The following MINK1 variants were observed in gnomAD, a reference collection of about 807,000 sequenced individuals.
The protein encoded by MINK1 is misshapen-like kinase 1.
Under a neutral mutation model 178.4 loss-of-function variants are expected in MINK1, and 46 were observed. That is an observed-to-expected ratio of 0.26 (90% CI 0.20 to 0.33). MINK1 has a LOEUF of 0.33. Among genes scored for constraint, MINK1 ranks in the 10% least tolerant of loss-of-function variants. MINK1 has a pLI of 1.00. For synonymous variants in MINK1, 797 were observed against 709.7 expected (o/e 1.12, Z -1.96); for missense variants, 1,366 against 1,814.9 (o/e 0.75, Z 4.49).
Position 4,881,017 on chromosome 17 carries a change from A to G in MINK1, c.157A>G (p.Ile53Val), listed in dbSNP as rs1389736671. ...RHVKTGQLAAIKVMDVTEDEE... is the reference protein window; with the variant it reads ...RHVKTGQLAAVKVMDVTEDEE... ...TGTCAAGACGGGGCAGCTGGCTGCC[A>G]TCAAGGTCATGGATGTCACGGAGGT... Residue 53 changes from isoleucine (I) to valine (V), a missense_variant, in exon 3 of 32, where the codon ATC becomes GTC. Physicochemically the swap from Ile to Val is conservative, Grantham distance 29 (BLOSUM62 3). Transcript: ENST00000355280. The G allele has an allele frequency of 2.7e-5, 42 of 1,529,078 alleles. No homozygotes were observed. The highest frequency in any genetic ancestry group is 3.4e-5 in the Non-Finnish European group (39 of 1,142,692). 94.7% of individuals were successfully genotyped at this position (1,529,078 alleles called of 1,614,324 possible).
rs1233241659 is a variant in MINK1 at position 4,896,231 on chromosome 17, C to T, written c.3504C>T (p.Asp1168=). 1.9e-6 allele frequency: 3 copies of T among 1,603,770 alleles called. No homozygotes were observed. The highest frequency in any genetic ancestry group is 1.7e-6 in the Non-Finnish European group (2 of 1,174,542). ...TCCCCCACCGCCCTCTGCTGGTCGA[C>T]CTGACAGTAGAGGAGGGGCAGCGGC... is the stretch of plus-strand genomic sequence containing the variant. ...ADLPHRPLLV[D]LTVEEGQRLK... Residue 1168 remains aspartate, a synonymous_variant, in exon 29 of 32, where the codon GAC becomes GAT. Transcript: ENST00000355280. This position sits in a 1 kb window ranked among gnomAD's most constrained non-coding sequence, Gnocchi z 4.6.
intron 5 of MINK1, 69 bp downstream of exon 5, chr17:4,884,542 A>T (rs149829584): frequency 8.4e-7 from 1 of 1,194,682 alleles, no homozygotes; most frequent in Non-Finnish European, 1.2e-6. Context: ...ATGAGCAAAG[A>T]TCCTCCCTGC....
chr17:4,838,684 G>A (rs542015562), intron 1 of MINK1, among the ~76,000 whole-genome samples: 2 of 152,260 alleles, frequency 1.3e-5, no homozygotes, highest in East Asian at 3.9e-4. Flanking sequence ...AGCAATTCTG[G>A]ACTGGAGAAC....
chr17:4,886,828 G>A lies in MINK1; in HGVS notation c.949+202G>A, dbSNP rs180936738. Among the ~76,000 whole-genome samples the A allele has an allele frequency of 1.3e-5, 2 of 152,316 alleles. No individual in the cohort carries two copies. Among genetic ancestry groups the A allele is most frequent in the East Asian group, 3.9e-4 (2 of 5,182 alleles). On this transcript the variant is annotated intron_variant, in intron 10 of 31. Transcript: ENST00000355280. This position sits in a 1 kb window ranked among gnomAD's most constrained non-coding sequence, Gnocchi z 6.1. Reference sequence around the variant, plus strand: ...CCCAGTCTGAATCAGCCTTCCAAAGGAGGACCGGCCTTTCGCATCCTTACA... The same window carrying A: ...CCCAGTCTGAATCAGCCTTCCAAAGAAGGACCGGCCTTTCGCATCCTTACA...
intron 1 of MINK1, among the ~76,000 whole-genome samples, chr17:4,869,245 ATTATTTATTTATTTATTTATTTAT>A (rs147101749): frequency 2.1e-5 from 3 of 141,548 alleles, no homozygotes; most frequent in South Asian, 4.5e-4. Context: ...TTTTTAAATT[ATTATTTATTTATTTATTTATTTAT>A]TTATTTATTT....
intron 1 of MINK1, among the ~76,000 whole-genome samples, chr17:4,868,507 T>TA (rs1253356145): frequency 3.3e-5 from 5 of 152,204 alleles, no homozygotes; most frequent in Non-Finnish European, 7.3e-5. Flanking sequence ...AGAGTCCATG[T>TA]AATGTCTGTC....
At position 4,887,672 on chromosome 17, in the gene MINK1, A is replaced by AGCAGCAGCAGCT. The variant is rs750893312; in HGVS notation, c.1124_1135dup (p.Leu375_Gln378dup). The stretch of plus-strand genomic sequence containing the variant: ...AAGAGCAACTCAGAGGCTTTAAAAC[A>AGCAGCAGCAGCT]GCAGCAGCAGCTGCAGCAGCAGCAG... On this transcript the variant is annotated inframe_insertion, in exon 12 of 32. Coordinates refer to ENST00000355280, the MANE Select transcript of MINK1 (RefSeq NM_153827.5). The surrounding 1 kb of genome is among the most constrained non-coding windows in gnomAD (Gnocchi z 7.6). 65 of 1,563,594 alleles carry AGCAGCAGCAGCT rather than the reference A, an allele frequency of 4.2e-5. No homozygotes were observed. Among genetic ancestry groups the AGCAGCAGCAGCT allele is most frequent in the Middle Eastern group, 1.7e-4 (1 of 6,004 alleles).
At chr17:4,863,796 A>ATTATTG (rs1488050112) in intron 1 of MINK1, among the ~76,000 whole-genome samples, 2 of 151,152 alleles carry the variant, frequency 1.3e-5, no homozygotes, top group Admixed American at 1.3e-4. Context: ...TATTATTATT[A>ATTATTG]TTATTATTTT....
intron 18 of MINK1, 36 bp from the exon 19 acceptor site, chr17:4,892,620 C>T (rs562116214): frequency 1.8e-4 from 284 of 1,563,198 alleles, no homozygotes; most frequent in African/African-American, 2.0e-4. Flanking sequence ...AAGGGAGCAC[C>T]GTGCCTCCCT....
chr17:4,847,100 ATC>A, intron 1 of MINK1: 1 of 453,334 alleles, frequency 2.2e-6, no homozygotes, highest in Admixed American at 2.4e-5. Flanking sequence ...CAAATTGCCT[ATC>A]TCTAAAGAGC....
intron 1 of MINK1, among the ~76,000 whole-genome samples, chr17:4,848,370 G>T (rs1001500523): frequency 6.6e-6 from 1 of 152,116 alleles, no homozygotes; most frequent in South Asian, 2.1e-4. Flanking sequence ...GTGTTTGGGG[G>T]TATTTTTTGA....
chr17:4,861,614 C>T (rs2150888491), intron 1 of MINK1: 1 of 245,616 alleles, frequency 4.1e-6, no homozygotes, highest in Non-Finnish European at 8.7e-6. Flanking sequence ...GATTCTCCTG[C>T]CCCAGCCTCC....
intron 2 of MINK1, among the ~76,000 whole-genome samples, chr17:4,878,735 C>T (rs545883841): frequency 6.6e-6 from 1 of 152,282 alleles, no homozygotes; most frequent in East Asian, 1.9e-4. Flanking sequence ...TTGGCCTCTC[C>T]CCAGACCACA....
At position 4,836,325 on chromosome 17, in the gene MINK1, G is replaced by A. The variant is rs995845748; in HGVS notation, c.57+2685G>A. 1.3e-5 allele frequency among the ~76,000 whole-genome samples: 2 copies of A among 152,180 alleles called. No homozygotes were observed. Among genetic ancestry groups the A allele is most frequent in the Non-Finnish European group, 2.9e-5 (2 of 68,032 alleles). On this transcript the variant is annotated intron_variant, in intron 1 of 31. Transcript: ENST00000355280. This position sits in a 1 kb window ranked among gnomAD's most constrained non-coding sequence, Gnocchi z 4.3. ...ATGAGGGTAATCGTCTGATATTAGG[G>A]AAGATTGAATTGCGTTAATCTCTTA... is the stretch of plus-strand genomic sequence containing the variant.
intron 1 of MINK1, among the ~76,000 whole-genome samples, chr17:4,839,100 T>C (rs974172390): frequency 2.5e-4 from 38 of 152,128 alleles, no homozygotes; most frequent in African/African-American, 4.8e-4. Context: ...CCCGCCACAA[T>C]GCCTGGCTAA....
rs760223928 is a variant in MINK1 at position 4,891,537 on chromosome 17, C to T, written c.1822C>T (p.Arg608Ter). ...CCAGTCCCTGCAGGACCAGCCCACC[C>T]GAAACCTGGCTGCCTTCCCAGCCTC... ...RSQSLQDQPTRNLAAFPASHD... is the reference protein window; with the variant it reads ...RSQSLQDQPT The change falls in exon 16 of 32, where the codon CGA becomes TGA. Residue 608 changes from arginine (R) to a stop codon, truncating the protein, a stop_gained. Coordinates refer to ENST00000355280, the MANE Select transcript of MINK1 (RefSeq NM_153827.5). LOFTEE classifies it high-confidence loss of function. 2.5e-6 allele frequency: 4 copies of T among 1,610,330 alleles called. No homozygotes were observed. The highest frequency in any genetic ancestry group is 3.4e-6 in the Non-Finnish European group (4 of 1,178,724).
At chr17:4,878,085 C>T (rs1034248427) in intron 1 of MINK1, among the ~76,000 whole-genome samples, 7 of 152,138 alleles carry the variant, frequency 4.6e-5, no homozygotes, top group African/African-American at 7.2e-5. Flanking sequence ...GCTGGGATTA[C>T]AGGCGTGAGC....
intron 12 of MINK1, 50 bp from the exon 13 acceptor site, chr17:4,889,597 C>G (rs952575541): frequency 6.8e-7 from 1 of 1,468,050 alleles, no homozygotes; most frequent in Non-Finnish European, 9.3e-7. Flanking sequence ...AGGGGCAGTG[C>G]TGACGCGATG....
rs769068394 is a variant in MINK1 at position 4,895,477 on chromosome 17, G to A, written c.3213G>A (p.Leu1071=). The change falls in exon 26 of 32, where the codon CTG becomes CTA. Residue 1071 remains leucine (L), a synonymous_variant. Coordinates refer to ENST00000355280, the MANE Select transcript of MINK1 (RefSeq NM_153827.5). The surrounding 1 kb of genome is among the most constrained non-coding windows in gnomAD (Gnocchi z 4.3). ...QQMDVLEGLN[L]LITISGKRNK... is the part of the protein sequence containing the mutation. ...TGGATGTGCTGGAGGGGCTCAACCT[G>A]CTCATCACCATCTCAGGTACAGGTG... 2 of 1,587,326 alleles carry A rather than the reference G, an allele frequency of 1.3e-6. No individual in the cohort carries two copies. The highest frequency in any genetic ancestry group is 4.5e-5 in the East Asian group (2 of 44,662).
Sources: gnomAD v4.1 joint callset for allele counts (sites outside exome capture counted in the v4.1 genomes callset) on GRCh38, gnomAD v4.1.1 for gene constraint, Gnocchi (gnomAD v3.1) non-coding constraint, MANE v1.5 for transcripts, NCBI Gene and HGNC (gene_info 2026-07-23, HGNC 2026-07-21) for gene names.